Variants in TNS1 observed in about 807,000 individuals in gnomAD.
The protein encoded by TNS1 is tensin 1.
A neutral mutation model predicts 168.6 loss-of-function variants in TNS1; 62 were observed. The observed-to-expected ratio is 0.37, with a 90% CI of 0.30 to 0.45. The LOEUF is 0.45. Among genes scored for constraint, TNS1 ranks in the 20% least tolerant of loss-of-function variants. The probability of loss-of-function intolerance (pLI) is 1.00; values close to 1 mark genes in which losing one functional copy is unlikely to be tolerated. For synonymous variants in TNS1, 934 were observed against 933.2 expected, an observed-to-expected ratio of 1.00 and a Z score of -0.02; for missense variants, 2,240 against 2,339.4, an observed-to-expected ratio of 0.96 and a Z score of 0.88.
upstream of TNS1, among the ~76,000 whole-genome samples, chr2:218,007,224 T>A (rs963799463): frequency 6.6e-6 from 1 of 152,112 alleles, no homozygotes; most frequent in African/African-American, 2.4e-5. Flanking sequence ...CTCCACCCTC[T>A]CAGCCCCTCA....
intron 6 of TNS1, among the ~76,000 whole-genome samples, chr2:217,906,005 A>T (rs1013152818): frequency 7.9e-5 from 12 of 152,316 alleles, no homozygotes; most frequent in Admixed American, 2.0e-4. Flanking sequence ...TCTCTGCCTC[A>T]GCCCTCGGTT....
chr2:218,003,955 C>T (rs1020239927), upstream of TNS1, among the ~76,000 whole-genome samples: 1 of 152,092 alleles, frequency 6.6e-6, no homozygotes, highest in Non-Finnish European at 1.5e-5. Flanking sequence ...GGGTCAAAAC[C>T]CAAAAGTATT....
chr2:217,978,036 C>T lies in TNS1; in HGVS notation c.186+729G>A, dbSNP rs1025150331. On this transcript the variant is annotated intron_variant, in intron 3 of 32. Coordinates refer to ENST00000682258, the MANE Select transcript of TNS1 (RefSeq NM_001387777.1). Reference sequence around the variant, plus strand: ...CCATCTTGGTGCCAATCCCCCACCCCCTGTTACTCCAAGAAGCTGATATAT... The same window carrying T: ...CCATCTTGGTGCCAATCCCCCACCCTCTGTTACTCCAAGAAGCTGATATAT... Among the ~76,000 whole-genome samples, 4 of 152,258 alleles carry T rather than the reference C, an allele frequency of 2.6e-5. No homozygotes were observed. In the East Asian group the frequency reaches 7.7e-4, roughly 29 times the overall value.
chr2:217,941,176 T>A (rs13389514), intron 3 of TNS1, among the ~76,000 whole-genome samples: 9,577 of 152,270 alleles, frequency 0.063, 980 homozygotes, highest in African/African-American at 0.22. Flanking sequence ...CCAGGCTGGC[T>A]AGGGAGGCCT....
intron 17 of TNS1, 161 bp downstream of exon 17, chr2:217,882,185 G>A (rs1950746919): frequency 1.7e-6 from 1 of 578,986 alleles, no homozygotes; most frequent in Non-Finnish European, 3.1e-6. Context: ...ACTGGTTCAT[G>A]TTTAGCTAGG....
chr2:217,815,602 G>A (rs775953361), intron 24 of TNS1, among the ~76,000 whole-genome samples: 5 of 152,090 alleles, frequency 3.3e-5, no homozygotes, highest in African/African-American at 4.8e-5. Flanking sequence ...CCTGGTGGAG[G>A]GCCTGGCACT....
chr2:217,990,389 C>T (rs1365604449), intron 2 of TNS1, among the ~76,000 whole-genome samples: 1 of 146,708 alleles, frequency 6.8e-6, no homozygotes, highest in East Asian at 2.0e-4. Context: ...ACCATCCACA[C>T]ATAGGCCACA....
At chr2:217,990,711 C>A (rs183501539) in intron 2 of TNS1, among the ~76,000 whole-genome samples, 15 of 152,362 alleles carry the variant, frequency 9.8e-5, no homozygotes, top group Non-Finnish European at 2.1e-4. Flanking sequence ...TGCCATTCAT[C>A]CTCATACAAG....
Position 217,817,788 on chromosome 2 carries a change from A to G in TNS1, c.4544T>C (p.Val1515Ala), listed in dbSNP as rs773547543. The G allele has an allele frequency of 1.2e-6, 2 of 1,614,200 alleles. No homozygotes were observed. Among genetic ancestry groups the G allele is most frequent in the Non-Finnish European group, 1.7e-6 (2 of 1,180,030 alleles). ...LPNYATINGK[V>A]SSPVASGMSS... is the part of the protein sequence containing the mutation. Reference sequence around the variant, plus strand: ...CATGCCGCTGGCGACAGGCGAAGACACCTTCCCATTGATGGTGGCATAGTT... The same window carrying G: ...CATGCCGCTGGCGACAGGCGAAGACGCCTTCCCATTGATGGTGGCATAGTT... Residue 1515 changes from valine to alanine, a missense_variant, in exon 24 of 33, where the codon GTG (valine) becomes GCG (alanine). Coordinates refer to ENST00000682258, the MANE Select transcript of TNS1 (RefSeq NM_001387777.1).
intron 18 of TNS1, among the ~76,000 whole-genome samples, chr2:217,866,774 C>T (rs1343603536): frequency 2.0e-5 from 3 of 152,134 alleles, no homozygotes; most frequent in Non-Finnish European, 2.9e-5. Flanking sequence ...GGCTCCAGAT[C>T]CCTTGGGCTG....
Position 217,847,670 on chromosome 2 carries a change from C to G in TNS1, c.2847G>C (p.Pro949=), listed in dbSNP as rs965603716. 1.9e-6 allele frequency: 3 copies of G among 1,596,466 alleles called. No individual in the cohort carries two copies. The highest frequency in any genetic ancestry group is 2.6e-6 in the Non-Finnish European group (3 of 1,166,254). Residue 949 remains proline (P), a synonymous_variant, in exon 19 of 33, where the codon CCG becomes CCC. Coordinates refer to ENST00000682258, the MANE Select transcript of TNS1 (RefSeq NM_001387777.1). ...PASSSLPAFL[P]TTHSPPGPQQ... ...GAGGCCCTGGAGGGCTGTGGGTGGT[C>G]GGAAGGAAGGCAGGCAAGGAGGAAG...
At chr2:218,008,495 C>A (rs1317886670) in intron 1 of TNS1, among the ~76,000 whole-genome samples, 2 of 152,260 alleles carry the variant, frequency 1.3e-5, no homozygotes, top group African/African-American at 2.4e-5. Flanking sequence ...GAAATCCAGA[C>A]TCCATGGCAT....
chr2:217,978,171 G>A (rs1957940632), intron 3 of TNS1, among the ~76,000 whole-genome samples: 2 of 152,036 alleles, frequency 1.3e-5, no homozygotes, highest in South Asian at 4.1e-4. Flanking sequence ...TTCCCATCAA[G>A]ACCAGCCAGA....
Position 217,847,569 on chromosome 2 carries a change from G to A in TNS1, c.2948C>T (p.Ser983Phe), listed in dbSNP as rs538861561. The change falls in exon 19 of 33, where the codon TCC becomes TTC. Residue 983 changes from serine (S) to phenylalanine (F), a missense_variant. This residue lies in a region of TNS1 where 2,131 missense variants were observed against 2,171.2 expected (regional missense o/e 0.98). Coordinates refer to ENST00000682258, the MANE Select transcript of TNS1 (RefSeq NM_001387777.1). ...LSPKEATSDP[S>F]RTPEEEPLNL... is the part of the protein sequence containing the mutation. The stretch of plus-strand genomic sequence containing the variant: ...CAATGGCTCCTCCTCTGGAGTCCGG[G>A]AGGGGTCTGAAGTCGCTTCCTTTGG... The A allele has an allele frequency of 3.3e-6, 5 of 1,497,436 alleles. No homozygotes were observed. Among genetic ancestry groups the A allele is most frequent in the Non-Finnish European group, 4.5e-6 (5 of 1,117,072 alleles). The allele number at this position is 1,497,436 out of a possible 1,614,324, so 92.8% of individuals were successfully genotyped here. A position where few individuals can be genotyped will look rare whatever the true frequency, so the allele number is the denominator to read the frequency against.
At chr2:218,000,931 C>A (rs1473108524) in intron 1 of TNS1, among the ~76,000 whole-genome samples, 1 of 152,168 alleles carries the variant, frequency 6.6e-6, no homozygotes, top group African/African-American at 2.4e-5. Context: ...ACGGGAGGAT[C>A]ACTTGAGGTC....
intron 3 of TNS1, among the ~76,000 whole-genome samples, chr2:217,929,444 G>A (rs1489254794): frequency 1.3e-5 from 2 of 152,162 alleles, no homozygotes; most frequent in African/African-American, 2.4e-5. Context: ...GGCCCAGGGA[G>A]CACAAGACAG....
chr2:217,820,551 G>A (rs1046878190), intron 23 of TNS1, among the ~76,000 whole-genome samples: 3 of 152,154 alleles, frequency 2.0e-5, no homozygotes, highest in African/African-American at 7.2e-5. Flanking sequence ...GACCCACTGG[G>A]CCTGGCAGGG....
chr2:217,863,513 G>C (rs923939407), intron 18 of TNS1, among the ~76,000 whole-genome samples: 1 of 152,130 alleles, frequency 6.6e-6, no homozygotes, highest in Non-Finnish European at 1.5e-5. Flanking sequence ...TACCACAGGT[G>C]AGAGGCCCTG....
intron 16 of TNS1, among the ~76,000 whole-genome samples, chr2:217,883,376 T>C (rs1950863194): frequency 6.6e-6 from 1 of 152,210 alleles, no homozygotes; most frequent in Non-Finnish European, 1.5e-5. Context: ...GTGATCCTCC[T>C]GCCTCAGCCC....
Sources: gnomAD v4.1 joint callset for allele counts (sites outside exome capture counted in the v4.1 genomes callset) on GRCh38, gnomAD v4.1.1 for gene constraint, gnomAD v4.1.1 regional missense constraint, MANE v1.5 for transcripts, NCBI Gene and HGNC (gene_info 2026-07-23, HGNC 2026-07-21) for gene names.